DOCK8: variants seen among roughly 807,000 people sequenced by gnomAD.
DOCK8 encodes the protein dedicator of cytokinesis 8.
A neutral mutation model predicts 245.6 loss-of-function variants in DOCK8; 141 were observed. The ratio of observed to expected loss-of-function variants is 0.57; its 90% CI spans 0.50 to 0.66. The LOEUF is 0.66. Ranked by LOEUF, DOCK8 falls within the 30% of genes least tolerant of loss-of-function variation. The pLI is 0.00. For missense variants in DOCK8, 2,965 were observed against 2,603.4 expected (o/e 1.14, Z -3.02); for synonymous variants, 1,168 against 970.2 (o/e 1.20, Z -3.79).
At chr9:411,933 C>T (rs544362686) in intron 28 of DOCK8, among the ~76,000 whole-genome samples, 1 of 152,306 alleles carries the variant, frequency 6.6e-6, no homozygotes, top group Non-Finnish European at 1.5e-5. Flanking sequence ...AATAAGAGAA[C>T]TTCCTCAACT....
intron 19 of DOCK8, among the ~76,000 whole-genome samples, chr9:376,577 C>T (rs2053526888): frequency 6.7e-6 from 1 of 149,432 alleles, no homozygotes. Flanking sequence ...AAACTCTCAT[C>T]TGCTGTTACT....
intron 1 of DOCK8, among the ~76,000 whole-genome samples, chr9:222,108 A>C (rs1276625690): frequency 1.3e-5 from 2 of 151,834 alleles, no homozygotes; most frequent in Non-Finnish European, 2.9e-5. Flanking sequence ...AAAAGCAAAC[A>C]AAACATTAGG....
At position 399,222 on chromosome 9, in the gene DOCK8, G is replaced by T. The variant is rs745488546; in HGVS notation, c.3197G>T (p.Gly1066Val). 18 of 1,613,956 alleles carry T rather than the reference G, an allele frequency of 1.1e-5. No individual in the cohort carries two copies. The highest frequency in any genetic ancestry group is 1.5e-5 in the Non-Finnish European group (18 of 1,179,960). ...LYDLLSLMDR[G>V]FVFNLIRHYC... ...GACCTTCTCTCCCTCATGGATCGGG[G>T]CTTTGTGTTTAACCTCATCAGACAT... The change falls in exon 26 of 48, where the codon GGC becomes GTC. Residue 1066 changes from glycine to valine, a missense_variant. Gly to Val is a moderately radical substitution (Grantham distance 109). Around this residue, in one of 3 missense-constraint regions of DOCK8, gnomAD observed 2,825 missense variants for 2,453.5 expected, o/e 1.15. Transcript: ENST00000432829.
intron 1 of DOCK8, among the ~76,000 whole-genome samples, chr9:255,309 T>G (rs894660965): frequency 6.6e-6 from 1 of 152,152 alleles, no homozygotes; most frequent in African/African-American, 2.4e-5. Context: ...AATCACCAAT[T>G]AATGCAGAAG....
chr9:275,852 G>C (rs1392270691), intron 2 of DOCK8, among the ~76,000 whole-genome samples: 1 of 147,778 alleles, frequency 6.8e-6, no homozygotes, highest in African/African-American at 2.5e-5. Context: ...GCCTCCCAAA[G>C]TGCTGGGATT....
intron 28 of DOCK8, among the ~76,000 whole-genome samples, chr9:409,399 T>G (rs1442394753): frequency 6.6e-6 from 1 of 152,196 alleles, no homozygotes; most frequent in Non-Finnish European, 1.5e-5. Context: ...GACCACAGAC[T>G]AAGAACAAGA....
chr9:360,321 T>G (rs961076686), intron 14 of DOCK8, among the ~76,000 whole-genome samples: 1 of 142,396 alleles, frequency 7.0e-6, no homozygotes, highest in Non-Finnish European at 1.6e-5. Flanking sequence ...ATCTCAAAAT[T>G]TAAAAAAAAA....
intron 1 of DOCK8, among the ~76,000 whole-genome samples, chr9:257,152 A>T (rs1185026995): frequency 6.6e-6 from 1 of 152,234 alleles, no homozygotes; most frequent in African/African-American, 2.4e-5. Context: ...ATAAATTTTG[A>T]GAAAAGATGG....
In DOCK8 at chr9:271,451, T is replaced by C. The variant is rs141953440; in HGVS notation, c.54-176T>C. On this transcript the variant is annotated intron_variant, in intron 1 of 47. Transcript: ENST00000432829. ...CTGTGAACTTCTCAAGGGTATGTAT[T>C]ATCTGACAAAAACTACGATGTCCAC... Among the ~76,000 whole-genome samples the C allele has an allele frequency of 2.0e-5, 3 of 152,272 alleles. No homozygotes were observed. The East Asian group carries it at 5.8e-4, about 29-fold the overall frequency.
chr9:401,093 A>ACAATCACCACCTCTC (rs1564017602), intron 26 of DOCK8, among the ~76,000 whole-genome samples: 5,260 of 148,966 alleles, frequency 0.035, 332 homozygotes, highest in African/African-American at 0.13. Flanking sequence ...CACCTCCACC[A>ACAATCACCACCTCTC]CCATCACCAC....
At chr9:350,036 A>T (rs147668185) in intron 14 of DOCK8, among the ~76,000 whole-genome samples, 6 of 151,780 alleles carry the variant, frequency 4.0e-5, no homozygotes, top group Non-Finnish European at 8.8e-5. Context: ...CCTCATTCTC[A>T]CCTTTCCAGG....
At chr9:222,445 G>A (rs775750040) in intron 1 of DOCK8, among the ~76,000 whole-genome samples, 4 of 152,056 alleles carry the variant, frequency 2.6e-5, no homozygotes, top group Non-Finnish European at 4.4e-5. Flanking sequence ...TTGCCAAATT[G>A]ACGCCCAGAA....
intron 36 of DOCK8, among the ~76,000 whole-genome samples, chr9:430,576 G>A (rs2056671381): frequency 6.6e-6 from 1 of 151,820 alleles, no homozygotes; most frequent in African/African-American, 2.4e-5. Flanking sequence ...TAGCTACTGG[G>A]GAGGCTGAGG....
At chr9:341,006 T>A (rs2051560406) in intron 14 of DOCK8, among the ~76,000 whole-genome samples, 1 of 152,172 alleles carries the variant, frequency 6.6e-6, no homozygotes, top group African/African-American at 2.4e-5. Flanking sequence ...AGCTAAAGAT[T>A]AGCTCTTTCC....
intron 45 of DOCK8, among the ~76,000 whole-genome samples, chr9:450,301 CAAATGCCTAT>C (rs2057387338): frequency 6.6e-6 from 1 of 152,182 alleles, no homozygotes; most frequent in Admixed American, 6.5e-5. Context: ...GACTCACCTA[CAAATGCCTAT>C]AGGAGAGAAG....
chr9:281,307 T>C (rs1248667111), intron 2 of DOCK8, among the ~76,000 whole-genome samples: 1 of 152,174 alleles, frequency 6.6e-6, no homozygotes, highest in East Asian at 1.9e-4. Context: ...TTATTACATA[T>C]AACGAATGAT....
At position 313,843 on chromosome 9, in the gene DOCK8, A is replaced by G. The variant is rs527461160; in HGVS notation, c.741+1677A>G. Reference sequence around the variant, plus strand: ...TAATCTTTCTACAATGTATGCATAGATCAAAACATTACTTGATTTAATCTT... The same window carrying G: ...TAATCTTTCTACAATGTATGCATAGGTCAAAACATTACTTGATTTAATCTT... On this transcript the variant is annotated intron_variant, in intron 6 of 47. Coordinates refer to ENST00000432829, the MANE Select transcript of DOCK8 (RefSeq NM_203447.4). Among the ~76,000 whole-genome samples the G allele has an allele frequency of 2.6e-5, 4 of 152,378 alleles. No homozygotes were observed. The South Asian group carries it at 8.3e-4, about 32-fold the overall frequency.
At chr9:238,724 C>T (rs983758195) in intron 1 of DOCK8, among the ~76,000 whole-genome samples, 26 of 152,128 alleles carry the variant, frequency 1.7e-4, no homozygotes, top group Admixed American at 1.3e-3. Context: ...TACAAAATAT[C>T]ACCAAACTTC....
At chr9:271,767 A>T in intron 2 of DOCK8, 38 bp downstream of exon 2, 1 of 1,418,058 alleles carries the variant, frequency 7.1e-7, no homozygotes, top group Non-Finnish European at 9.7e-7. Context: ...CGATTGGTCA[A>T]GTGCAAAAGT....
Sources: gnomAD v4.1 joint callset for allele counts (sites outside exome capture counted in the v4.1 genomes callset) on GRCh38, gnomAD v4.1.1 for gene constraint, gnomAD v4.1.1 regional missense constraint, MANE v1.5 for transcripts, NCBI Gene and HGNC (gene_info 2026-07-23, HGNC 2026-07-21) for gene names.